The following AMELY variants were observed in gnomAD, a reference collection of about 807,000 sequenced individuals.
AMELY encodes the protein amelogenin Y-linked, also known as amelogenin, Y isoform.
AMELY carries 4 observed loss-of-function variants against 4.2 expected under a neutral mutation model. The observed-to-expected ratio is 0.96, with a 90% CI of 0.47 to 2.19. The LOEUF (loss-of-function observed/expected upper bound fraction) is 2.19. AMELY is among the 30% of genes most tolerant of loss of function. AMELY has a pLI of 0.02. For missense variants in AMELY, 32 were observed against 41.5 expected (o/e 0.77, Z 0.63); for synonymous variants, 11 against 14.7 (o/e 0.75, Z 0.57).
chrY:6,897,244 C>T, intron 1 of AMELY, among the ~76,000 whole-genome samples: 1 of 33,714 alleles, frequency 3.0e-5, no homozygotes, highest in Non-Finnish European at 7.3e-5. Context: ...TGGTCTGCTG[C>T]TAGGCCTGAC....
At chrY:6,906,514 C>T in intron 1 of AMELY, among the ~76,000 whole-genome samples, 1 of 33,192 alleles carries the variant, frequency 3.0e-5, no homozygotes, top group Non-Finnish European at 7.4e-5. Context: ...CCTAGGCAGG[C>T]GGGCAGTGGT....
At chrY:6,903,490 G>C (rs2011656146) in intron 1 of AMELY, among the ~76,000 whole-genome samples, 1 of 33,111 alleles carries the variant, frequency 3.0e-5, no homozygotes, top group African/African-American at 1.2e-4. Context: ...CCATATATTT[G>C]ATGCTGATTC....
chrY:6,906,969 T>A, intron 1 of AMELY, among the ~76,000 whole-genome samples: 1 of 32,678 alleles, frequency 3.1e-5, no homozygotes, highest in Non-Finnish European at 7.4e-5. Flanking sequence ...TTCACCATGT[T>A]GGCTCATCTT....
intron 1 of AMELY, among the ~76,000 whole-genome samples, chrY:6,883,942 A>G: frequency 3.1e-5 from 1 of 32,343 alleles, no homozygotes; most frequent in Non-Finnish European, 7.5e-5. Flanking sequence ...CCCAGTCACA[A>G]GTGAATTTCA....
At chrY:6,899,831 G>A in intron 1 of AMELY, among the ~76,000 whole-genome samples, 1 of 32,992 alleles carries the variant, frequency 3.0e-5, no homozygotes, top group African/African-American at 1.2e-4. Context: ...CAGATCACCT[G>A]GTCAGGAGTT....
chrY:6,911,614 C>T (rs1044549909), intron 1 of AMELY, among the ~76,000 whole-genome samples, 59 bp downstream of exon 1: 7 of 34,855 alleles, frequency 2.0e-4, no homozygotes, highest in Non-Finnish European at 7.3e-5. Flanking sequence ...GGGGGCAACC[C>T]CCCCCGCGCC....
chrY:6,884,722 A>C (rs2054077829), intron 1 of AMELY, among the ~76,000 whole-genome samples: 1 of 33,646 alleles, frequency 3.0e-5, no homozygotes, highest in East Asian at 7.8e-4. Context: ...ATAATCAAAA[A>C]GGACAAATAA....
chrY:6,907,306 G>A, intron 1 of AMELY, among the ~76,000 whole-genome samples: 2 of 31,460 alleles, frequency 6.4e-5, no homozygotes, highest in South Asian at 1.4e-3. Flanking sequence ...TGCTTGAATC[G>A]GCAGAAGCTG....
At chrY:6,908,226 A>C in intron 1 of AMELY, among the ~76,000 whole-genome samples, 1 of 31,395 alleles carries the variant, frequency 3.2e-5, no homozygotes, top group Non-Finnish European at 7.6e-5. Flanking sequence ...GAGGCCAAGG[A>C]GGGCAGGTCA....
intron 1 of AMELY, among the ~76,000 whole-genome samples, chrY:6,891,991 T>C (rs960744220): frequency 3.8e-4 from 13 of 34,302 alleles, no homozygotes; most frequent in Non-Finnish European, 6.5e-4. Flanking sequence ...CATTCGTTAC[T>C]GAGCCTTCTA....
At chrY:6,879,605 T>C in intron 1 of AMELY, among the ~76,000 whole-genome samples, 2 of 33,735 alleles carry the variant, frequency 5.9e-5, no homozygotes, top group Admixed American at 5.5e-4. Flanking sequence ...TCCTTGCCCA[T>C]GCCTATGTCC....
At chrY:6,901,260 G>A in intron 1 of AMELY, 4 of 34,517 alleles carry the variant, frequency 1.2e-4, no homozygotes, top group African/African-American at 4.7e-4. Context: ...AGCAAGTGCT[G>A]GAGAGGGAGC....
chrY:6,880,075 A>G (rs2054074177), intron 1 of AMELY, among the ~76,000 whole-genome samples: 1 of 33,182 alleles, frequency 3.0e-5, no homozygotes, highest in Admixed American at 2.8e-4. Context: ...AATTCTATGA[A>G]GAAAGTCATT....
intron 1 of AMELY, among the ~76,000 whole-genome samples, chrY:6,885,378 G>A: frequency 5.9e-5 from 2 of 34,115 alleles, no homozygotes; most frequent in Admixed American, 5.3e-4. Flanking sequence ...AGGAGGCTGA[G>A]GCAGGAGAAT....
At chrY:6,872,265 G>C (rs2054068560) in intron 3 of AMELY, among the ~76,000 whole-genome samples, 3 of 32,860 alleles carry the variant, frequency 9.1e-5, no homozygotes, top group African/African-American at 3.6e-4. Flanking sequence ...TATTTACAGG[G>C]TGGAAAGATT....
intron 5 of AMELY, 46 bp downstream of exon 5, chrY:6,868,686 G>C (rs1250038634): frequency 2.9e-6 from 1 of 349,049 alleles, no homozygotes; most frequent in Non-Finnish European, 4.2e-6. Flanking sequence ...GAATTTAAAT[G>C]CATGCCTAAT....
rs1603021974 is a variant in AMELY at position 6,879,284 on chromosome Y, C to G, written c.-112-5213G>C. Reference sequence around the variant, plus strand: ...TTGCATTTCTCTGATGGCCAGTGATCATGAGCATTTTTTCATGTGTCTTTT... The same window carrying G: ...TTGCATTTCTCTGATGGCCAGTGATGATGAGCATTTTTTCATGTGTCTTTT... On this transcript the variant is annotated intron_variant, in intron 1 of 6. Coordinates refer to ENST00000651267, the MANE Select transcript of AMELY (RefSeq NM_001143.2). Among the ~76,000 whole-genome samples, 5 of 33,472 alleles carry G rather than the reference C, an allele frequency of 1.5e-4. No individual in the cohort carries two copies. The South Asian group carries it at 3.3e-3, about 22-fold the overall frequency. 89.8% of individuals were successfully genotyped at this position (33,472 alleles called of 37,273 possible).
intron 1 of AMELY, among the ~76,000 whole-genome samples, chrY:6,887,557 T>TACATGTGCAGAACATGTTAC (rs2054080813): frequency 3.0e-5 from 1 of 32,816 alleles, no homozygotes; most frequent in African/African-American, 1.2e-4. Flanking sequence ...AAATCTTTGA[T>TACATGTGCAGAACATGTTAC]ACATGTGCAG....
chrY:6,910,128 G>A, intron 1 of AMELY, among the ~76,000 whole-genome samples: 1 of 32,455 alleles, frequency 3.1e-5, no homozygotes, highest in Non-Finnish European at 7.5e-5. Flanking sequence ...CTCCTCTTCA[G>A]TTCCTACACC....
Sources: gnomAD v4.1 joint callset for allele counts (sites outside exome capture counted in the v4.1 genomes callset) on GRCh38, gnomAD v4.1.1 for gene constraint, MANE v1.5 for transcripts, NCBI Gene and HGNC (gene_info 2026-07-23, HGNC 2026-07-21) for gene names.